IWS1: variants seen among roughly 807,000 people sequenced by gnomAD.
IWS1 encodes interacts with SUPT6H, CTD assembly factor 1.
A neutral mutation model predicts 86.7 loss-of-function variants in IWS1; 27 were observed. The ratio of observed to expected loss-of-function variants is 0.31; its 90% confidence interval spans 0.23 to 0.43. The LOEUF (loss-of-function observed/expected upper bound fraction) is 0.43. Ranked by LOEUF, IWS1 falls within the 20% of genes least tolerant of loss-of-function variation. IWS1 has a pLI of 1.00. For synonymous variants in IWS1, 313 were observed against 335.1 expected (o/e 0.93, Z 0.72); for missense variants, 827 against 1,000.8 (o/e 0.83, Z 2.34).
At position 127,509,141 on chromosome 2, in the gene IWS1, A is replaced by C. The variant is rs866158755; in HGVS notation, c.151-3389T>G. ...TCGAGCTAAAGAATACACTTAGACA[A>C]CACCACCACAGAATTTGGGACGAGT... On this transcript the variant is annotated intron_variant, in intron 2 of 13. Transcript: ENST00000295321. 1.4e-4 allele frequency among the ~76,000 whole-genome samples: 22 copies of C among 152,328 alleles called. No individual in the cohort carries two copies. The Middle Eastern group carries it at 0.017, about 118-fold the overall frequency.
chr2:127,488,733 C>T (rs184152366), intron 12 of IWS1, among the ~76,000 whole-genome samples: 11 of 152,282 alleles, frequency 7.2e-5, no homozygotes, highest in Admixed American at 3.3e-4. Context: ...AGCCCTTCAC[C>T]GGTCTATTAT....
intron 5 of IWS1, chr2:127,498,790 T>C (rs1295581182): frequency 1.3e-5 from 2 of 152,222 alleles, no homozygotes; most frequent in Non-Finnish European, 2.9e-5. Flanking sequence ...ATATCAAACA[T>C]TGATACCCAC....
intron 8 of IWS1, 156 bp downstream of exon 8, chr2:127,494,716 T>G (rs938054649): frequency 6.5e-5 from 28 of 430,810 alleles, no homozygotes; most frequent in Non-Finnish European, 1.0e-4. Flanking sequence ...TAATAAAAAT[T>G]TATGAAGAAA....
At chr2:127,511,740 T>C (rs1338588143) in intron 2 of IWS1, among the ~76,000 whole-genome samples, 1 of 151,996 alleles carries the variant, frequency 6.6e-6, no homozygotes, top group African/African-American at 2.4e-5. Context: ...TAACATAAAA[T>C]AAATGGAAAA....
In IWS1 at chr2:127,480,928, C is replaced by T. The variant is rs1156357297; in HGVS notation, c.*116G>A. On this transcript the variant is annotated 3_prime_UTR_variant, in exon 14 of 14. Coordinates refer to ENST00000295321, the MANE Select transcript of IWS1 (RefSeq NM_017969.3). ...AGAAATGTGAGTCCTATGACAACATCTGATACACGCTGAACCATTTACAGA... is the reference window on the plus strand; with the variant it reads ...AGAAATGTGAGTCCTATGACAACATTTGATACACGCTGAACCATTTACAGA... 3 of 1,131,264 alleles carry T rather than the reference C, an allele frequency of 2.7e-6. No individual in the cohort carries two copies. The highest frequency in any genetic ancestry group is 1.6e-5 in the African/African-American group (1 of 62,858). The allele number at this position is 1,131,264 out of a possible 1,614,324, so 70.1% of individuals were successfully genotyped here.
intron 7 of IWS1, 108 bp from the exon 8 acceptor site, chr2:127,495,062 T>C (rs1221190718): frequency 1.5e-6 from 1 of 652,272 alleles, no homozygotes; most frequent in Non-Finnish European, 2.5e-6. Context: ...AGAAACAATT[T>C]TTCCTACAAG....
intron 2 of IWS1, among the ~76,000 whole-genome samples, chr2:127,520,036 T>C (rs1039078466): frequency 6.6e-6 from 1 of 152,226 alleles, no homozygotes; most frequent in Admixed American, 6.5e-5. Flanking sequence ...CATTTTGGAC[T>C]TGACCTCCAG....
rs138870614 is a variant in IWS1 at position 127,493,420 on chromosome 2, C to T, written c.1800-10G>A. 33 of 1,585,896 alleles carry T rather than the reference C, an allele frequency of 2.1e-5. No individual in the cohort carries two copies. The East Asian group carries it at 7.3e-4, about 35-fold the overall frequency. Reference sequence around the variant, plus strand: ...TTCTTTAAGGTCCTGCCTGCAGTAACAATAATTTTTAAAAATTCTGTGAAC... The same window carrying T: ...TTCTTTAAGGTCCTGCCTGCAGTAATAATAATTTTTAAAAATTCTGTGAAC... On this transcript the variant is annotated splice_polypyrimidine_tract_variant and intron_variant, in intron 8 of 13. Transcript: ENST00000295321.
Position 127,504,793 on chromosome 2 carries a change from G to A in IWS1, c.1110C>T (p.His370=), listed in dbSNP as rs777570741. The change falls in exon 3 of 14, where the codon CAC becomes CAT. Residue 370 remains histidine, a synonymous_variant. Transcript: ENST00000295321. ...CATCACTGTCCATTTTTTGCTTTTT[G>A]TGTTCTTCCTCCTCACTATCAGAAC... ...FHSSDSEEEE[H]KKQKMDSDED... 45 of 1,610,532 alleles carry A rather than the reference G, an allele frequency of 2.8e-5. No homozygotes were observed. In the East Asian group the frequency reaches 9.1e-4, roughly 33 times the overall value.
Position 127,480,998 on chromosome 2 carries a change from A to G in IWS1, c.*46T>C. ...AATATCTTCTTTCTCCAAAGAGTCC[A>G]TTGCGCATTTCTTAGAGTAGAGATG... is the stretch of plus-strand genomic sequence containing the variant. On this transcript the variant is annotated 3_prime_UTR_variant, in exon 14 of 14. Transcript: ENST00000295321. 1.3e-6 allele frequency: 2 copies of G among 1,568,770 alleles called. No homozygotes were observed. Among genetic ancestry groups the G allele is most frequent in the East Asian group, 2.3e-5 (1 of 44,100 alleles).
intron 2 of IWS1, among the ~76,000 whole-genome samples, chr2:127,518,917 A>G (rs1350739834): frequency 2.0e-5 from 3 of 152,182 alleles, no homozygotes; most frequent in Admixed American, 1.3e-4. Context: ...AAAAAAACCC[A>G]TGACGAACAA....
At chr2:127,519,642 T>A (rs1481030001) in intron 2 of IWS1, among the ~76,000 whole-genome samples, 1 of 152,196 alleles carries the variant, frequency 6.6e-6, no homozygotes, top group African/African-American at 2.4e-5. Context: ...AGCAAAATAA[T>A]GGCCCTTCAA....
chr2:127,512,669 C>G (rs1424064129), intron 2 of IWS1, among the ~76,000 whole-genome samples: 2 of 152,232 alleles, frequency 1.3e-5, no homozygotes, highest in East Asian at 3.8e-4. Flanking sequence ...TCTCATTCTT[C>G]TGTCAGCTGA....
Position 127,494,938 on chromosome 2 carries a change from T to A in IWS1, c.1733A>T (p.Asn578Ile). Residue 578 changes from asparagine (N) to isoleucine (I), a missense_variant, in exon 8 of 14, where the codon AAC becomes ATC. Asn to Ile is a moderately radical substitution (Grantham distance 149, BLOSUM62 -3). This residue lies in a region of IWS1 where 279 missense variants were observed against 440.6 expected (regional missense o/e 0.63). Coordinates refer to ENST00000295321, the MANE Select transcript of IWS1 (RefSeq NM_017969.3). Reference protein sequence around the residue: ...NEAAEEDRQLNNQKKPALKKL... With the variant: ...NEAAEEDRQLINQKKPALKKL... ...TTTCAGTGCTGGCTTTTTTTGATTG[T>A]TCAACTGTCTGTCTTCCTATTCAGA... The A allele has an allele frequency of 6.3e-7, 1 of 1,597,728 alleles. No individual in the cohort carries two copies. The highest frequency in any genetic ancestry group is 8.5e-7 in the Non-Finnish European group (1 of 1,170,666).
intron 7 of IWS1, 59 bp downstream of exon 7, chr2:127,495,939 G>T: frequency 6.9e-7 from 1 of 1,446,246 alleles, no homozygotes; most frequent in Non-Finnish European, 9.2e-7. Context: ...TCAAAAAAAG[G>T]GCATCCAATA....
intron 2 of IWS1, among the ~76,000 whole-genome samples, chr2:127,510,170 G>A (rs995532627): frequency 4.6e-5 from 7 of 152,096 alleles, no homozygotes; most frequent in Admixed American, 2.6e-4. Flanking sequence ...CATGTTTCAC[G>A]GGACCTTAGT....
intron 1 of IWS1, among the ~76,000 whole-genome samples, chr2:127,524,764 A>G (rs553848438): frequency 1.3e-5 from 2 of 152,146 alleles, no homozygotes; most frequent in African/African-American, 4.8e-5. Context: ...GCTGGTCTCA[A>G]ACTCCTGACC....
intron 10 of IWS1, among the ~76,000 whole-genome samples, chr2:127,491,327 G>A (rs890677122): frequency 6.6e-6 from 1 of 152,204 alleles, no homozygotes; most frequent in Admixed American, 6.5e-5. Flanking sequence ...AATGCAGTAA[G>A]GTAGGTGGTG....
chr2:127,494,783 T>C (rs1690426314), intron 8 of IWS1, 89 bp downstream of exon 8: 4 of 633,584 alleles, frequency 6.3e-6, no homozygotes, highest in African/African-American at 1.9e-5. Flanking sequence ...AGTCTATCAT[T>C]ATTTAATATT....
Sources: allele counts gnomAD v4.1 joint callset (sites outside exome capture counted in the v4.1 genomes callset), GRCh38; gene constraint gnomAD v4.1.1; regional missense constraint gnomAD v4.1.1; transcripts MANE v1.5; gene names NCBI Gene and HGNC (gene_info 2026-07-23, HGNC 2026-07-21).